The following RPA3 variants were observed in gnomAD, a reference collection of about 807,000 sequenced individuals.
RPA3 encodes the protein replication protein A3.
In RPA3, 24 loss-of-function variants were observed where a neutral mutation model predicts 13.7. That is an observed-to-expected ratio of 1.75 (90% CI 1.27 to 2.46). The LOEUF (loss-of-function observed/expected upper bound fraction) is 2.46. RPA3 is among the 30% of genes most tolerant of loss of function. The pLI is 0.00. For synonymous variants in RPA3, 59 were observed against 51.2 expected (o/e 1.15, Z -0.65); for missense variants, 183 against 151.0 (o/e 1.21, Z -1.11).
intron 2 of RPA3, among the ~76,000 whole-genome samples, chr7:7,712,212 A>T (rs1280525438): frequency 6.6e-6 from 1 of 152,164 alleles, no homozygotes; most frequent in African/African-American, 2.4e-5. Flanking sequence ...CAAATAAATA[A>T]AAAATGAATA....
At position 7,677,053 on chromosome 7, in the gene RPA3, T is replaced by TA. The variant is rs140590823; in HGVS notation, c.-758+8776_-758+8777insT. Among the ~76,000 whole-genome samples, 1,174 of 152,258 alleles carry TA rather than the reference T, an allele frequency of 7.7e-3. 21 individuals are homozygous for TA. Among genetic ancestry groups the TA allele is most frequent in the African/African-American group, 0.027 (1,128 of 41,562 alleles). Reference sequence around the variant, plus strand: ...GTAAATAGAAAATGCTTTTAATGCTTTTATTAACATGGACACATACTTGCA... The same window carrying TA: ...GTAAATAGAAAATGCTTTTAATGCTTATTATTAACATGGACACATACTTGCA... On this transcript the variant is annotated intron_variant, in intron 4 of 7. Transcript: ENST00000223129.
intron 4 of RPA3, among the ~76,000 whole-genome samples, chr7:7,664,253 A>G (rs1316702680): frequency 1.3e-5 from 2 of 151,980 alleles, no homozygotes; most frequent in Non-Finnish European, 2.9e-5. Context: ...TCATTTCTGT[A>G]CATCCCTTCT....
At chr7:7,714,860 T>G (rs1017025493) in intron 2 of RPA3, among the ~76,000 whole-genome samples, 25 of 150,406 alleles carry the variant, frequency 1.7e-4, no homozygotes, top group Non-Finnish European at 7.4e-5. Context: ...TTTCTTTTTT[T>G]TTTTTTTTTT....
At position 7,639,157 on chromosome 7, in the gene RPA3, C is replaced by G. The variant is rs1350791010; in HGVS notation, c.100-13G>C. 1.3e-6 allele frequency: 2 copies of G among 1,599,134 alleles called. No individual in the cohort carries two copies. The highest frequency in any genetic ancestry group is 1.7e-6 in the Non-Finnish European group (2 of 1,171,330). On this transcript the variant is annotated splice_polypyrimidine_tract_variant and intron_variant, in intron 5 of 7. Transcript: ENST00000223129. Reference sequence around the variant, plus strand: ...CGGTGGGATGAATCTAAAAACGAAACATATAATTAAAATCTCACTAAAACA... The same window carrying G: ...CGGTGGGATGAATCTAAAAACGAAAGATATAATTAAAATCTCACTAAAACA...
At chr7:7,709,078 T>C (rs2115166790) in intron 2 of RPA3, among the ~76,000 whole-genome samples, 1 of 152,268 alleles carries the variant, frequency 6.6e-6, no homozygotes, top group African/African-American at 2.4e-5. Flanking sequence ...AACACATCTT[T>C]CAGTGTCTTG....
chr7:7,705,229 A>G (rs1333206439), intron 2 of RPA3, among the ~76,000 whole-genome samples: 1 of 152,208 alleles, frequency 6.6e-6, no homozygotes, highest in Admixed American at 6.5e-5. Context: ...AGATGATTGT[A>G]ACGAAGTTCG....
chr7:7,710,464 A>G (rs897509888), intron 2 of RPA3, among the ~76,000 whole-genome samples: 2 of 152,238 alleles, frequency 1.3e-5, no homozygotes, highest in Non-Finnish European at 2.9e-5. Context: ...AAGCACATGA[A>G]TAAGTGTCAT....
Position 7,673,268 on chromosome 7 carries a change from G to A in RPA3, c.-758+12562C>T, listed in dbSNP as rs564231371. The A allele has an allele frequency of 2.5e-4, 266 of 1,079,168 alleles. 6 individuals are homozygous for A. In the South Asian group the frequency reaches 3.4e-3, roughly 14 times the overall value. 66.8% of individuals were successfully genotyped at this position (1,079,168 alleles called of 1,614,324 possible). A position where few individuals can be genotyped will look rare whatever the true frequency, so the allele number is the denominator to read the frequency against. ...TGCTAAAAAGGGTAAGAGTTTTACA[G>A]TTGCATCTGAATTTGACATTGTGTA... On this transcript the variant is annotated intron_variant, in intron 4 of 7. Coordinates refer to ENST00000223129, the MANE Select transcript of RPA3 (RefSeq NM_002947.5).
At chr7:7,648,332 G>A (rs1785145135) in intron 4 of RPA3, among the ~76,000 whole-genome samples, 1 of 152,164 alleles carries the variant, frequency 6.6e-6, no homozygotes, top group African/African-American at 2.4e-5. Context: ...ACTTTATACT[G>A]TGTGGCCCTT....
intron 2 of RPA3, among the ~76,000 whole-genome samples, chr7:7,702,057 T>C (rs1780475959): frequency 1.3e-5 from 2 of 152,212 alleles, no homozygotes; most frequent in South Asian, 4.1e-4. Context: ...TACAGAAATA[T>C]ATTCACATAT....
intron 2 of RPA3, among the ~76,000 whole-genome samples, chr7:7,699,100 C>T (rs1780393231): frequency 6.6e-6 from 1 of 151,760 alleles, no homozygotes; most frequent in Non-Finnish European, 1.5e-5. Flanking sequence ...TGATCTTTGC[C>T]TGCCTTGGCT....
At chr7:7,711,089 G>C (rs960374598) in intron 2 of RPA3, among the ~76,000 whole-genome samples, 20 of 152,162 alleles carry the variant, frequency 1.3e-4, no homozygotes, top group African/African-American at 4.6e-4. Context: ...TAACACTGGG[G>C]ATTCTGGTGG....
chr7:7,667,199 A>G (rs1426508787), intron 4 of RPA3, among the ~76,000 whole-genome samples: 8 of 152,208 alleles, frequency 5.3e-5, no homozygotes, highest in African/African-American at 7.2e-5. Context: ...TCTAGCTCAG[A>G]TAGGTAAGTT....
At chr7:7,713,005 C>T (rs1780805875) in intron 2 of RPA3, among the ~76,000 whole-genome samples, 1 of 151,938 alleles carries the variant, frequency 6.6e-6, no homozygotes, top group African/African-American at 2.4e-5. Flanking sequence ...CCTATTGTGT[C>T]AATTTGGTAA....
At chr7:7,645,713 A>ATT (rs1785078793) in intron 4 of RPA3, among the ~76,000 whole-genome samples, 1 of 151,652 alleles carries the variant, frequency 6.6e-6, no homozygotes, top group Non-Finnish European at 1.5e-5. Context: ...ATGAGTATGT[A>ATT]TTTTTCAGTG....
intron 4 of RPA3, among the ~76,000 whole-genome samples, chr7:7,644,507 G>C (rs909962531): frequency 6.6e-6 from 1 of 152,026 alleles, no homozygotes; most frequent in African/African-American, 2.4e-5. Flanking sequence ...AAAATGTTTA[G>C]AGTTTTGCCT....
Position 7,637,071 on chromosome 7 carries a change from A to G in RPA3, c.295T>C (p.Tyr99His), listed in dbSNP as rs1446436327. The change falls in exon 8 of 8, where the codon TAC (tyrosine) becomes CAC (histidine). Residue 99 changes from tyrosine (Y) to histidine (H), a missense_variant. Transcript: ENST00000223129. ...EDSHPFDLGL[Y>H]NEAVKIIHDF... ...TGGATAATTTTCACAGCTTCATTGT[A>G]AAGTCCAAGATCTGAAAGAAACATT... is the stretch of plus-strand genomic sequence containing the variant. 1 of 1,609,368 alleles carries G rather than the reference A, an allele frequency of 6.2e-7. No individual in the cohort carries two copies. Among genetic ancestry groups the G allele is most frequent in the Non-Finnish European group, 8.5e-7 (1 of 1,175,888 alleles).
At chr7:7,711,742 G>T (rs994650558) in intron 2 of RPA3, among the ~76,000 whole-genome samples, 1 of 151,964 alleles carries the variant, frequency 6.6e-6, no homozygotes, top group Non-Finnish European at 1.5e-5. Flanking sequence ...AAATTTTGTT[G>T]CATTTTAATG....
intron 4 of RPA3, among the ~76,000 whole-genome samples, chr7:7,667,878 C>G (rs1487936382): frequency 6.6e-6 from 1 of 152,208 alleles, no homozygotes; most frequent in African/African-American, 2.4e-5. Flanking sequence ...GTGCTCTACT[C>G]TACTAGCTAT....
Sources: gnomAD v4.1 joint callset for allele counts (sites outside exome capture counted in the v4.1 genomes callset) on GRCh38, gnomAD v4.1.1 for gene constraint, MANE v1.5 for transcripts, NCBI Gene and HGNC (gene_info 2026-07-23, HGNC 2026-07-21) for gene names.